The following VAPB variants were observed in gnomAD, a reference collection of about 807,000 sequenced individuals.
VAPB encodes the protein vesicle-associated membrane protein-associated protein B/C.
A neutral mutation model predicts 25.6 loss-of-function variants in VAPB; 7 were observed. The observed-to-expected ratio is 0.27, with a 90% CI of 0.16 to 0.51. VAPB has a LOEUF of 0.51. VAPB is among the 20% of genes least tolerant of loss of function. The probability of loss-of-function intolerance (pLI) is 0.97; values close to 1 mark genes in which losing one functional copy is unlikely to be tolerated. For synonymous variants in VAPB, 112 were observed against 109.2 expected (o/e 1.03, Z -0.16); for missense variants, 266 against 301.3 (o/e 0.88, Z 0.87).
chr20:58,393,712 GTTTGTTTTGT>G (rs71938478), intron 1 of VAPB, among the ~76,000 whole-genome samples: 15,076 of 150,484 alleles, frequency 0.1, 901 homozygotes, highest in East Asian at 0.26. Flanking sequence ...CTAGGTTAAG[GTTTGTTTTGT>G]TTTGTTTTGT....
intron 1 of VAPB, among the ~76,000 whole-genome samples, chr20:58,411,497 G>T (rs781078599): frequency 6.6e-6 from 1 of 152,114 alleles, no homozygotes; most frequent in Non-Finnish European, 1.5e-5. Context: ...GGCCAAGCTG[G>T]TCTCGAATTC....
chr20:58,430,899 C>T (rs1309290562), intron 2 of VAPB: 1 of 152,194 alleles, frequency 6.6e-6, no homozygotes, highest in East Asian at 1.9e-4. Flanking sequence ...GTGTCTGTTT[C>T]AATAGAAGAC....
chr20:58,439,933 T>G (rs114804723), intron 4 of VAPB: 1 of 152,352 alleles, frequency 6.6e-6, no homozygotes, highest in Non-Finnish European at 1.5e-5. Flanking sequence ...CATTAATAGC[T>G]GGAGTTGGGA....
At chr20:58,390,291 G>A (rs1987761835) in intron 1 of VAPB, 1 of 152,014 alleles carries the variant, frequency 6.6e-6, no homozygotes, top group African/African-American at 2.4e-5. Context: ...AGCAACACCT[G>A]CGGCGATGGG....
chr20:58,402,516 G>A (rs1043863728), intron 1 of VAPB, among the ~76,000 whole-genome samples: 2 of 150,736 alleles, frequency 1.3e-5, no homozygotes, highest in African/African-American at 4.9e-5. Flanking sequence ...CATTGGCAAC[G>A]TGATACGTGA....
At chr20:58,398,141 C>A (rs1489408078) in intron 1 of VAPB, among the ~76,000 whole-genome samples, 1 of 152,168 alleles carries the variant, frequency 6.6e-6, no homozygotes, top group Non-Finnish European at 1.5e-5. Flanking sequence ...CTTAAGTTAG[C>A]CTCCAGTTGC....
intron 1 of VAPB, among the ~76,000 whole-genome samples, chr20:58,402,529 C>G (rs1988122377): frequency 6.6e-6 from 1 of 151,576 alleles, no homozygotes; most frequent in Admixed American, 6.6e-5. Context: ...ATACGTGACT[C>G]CCTTTCGCTG....
chr20:58,397,997 T>A (rs1988004731), intron 1 of VAPB, among the ~76,000 whole-genome samples: 1 of 152,214 alleles, frequency 6.6e-6, no homozygotes, highest in Non-Finnish European at 1.5e-5. Flanking sequence ...CTTACAGATG[T>A]TCCTCACCTT....
intron 2 of VAPB, among the ~76,000 whole-genome samples, chr20:58,433,341 G>A (rs544173071): frequency 6.6e-6 from 1 of 152,258 alleles, no homozygotes; most frequent in East Asian, 1.9e-4. Context: ...TGTAGACCAC[G>A]GCTATCCTGC....
In VAPB at chr20:58,435,423, C is replaced by G. The variant is rs73616272; in HGVS notation, c.315+718C>G. 5.5e-3 allele frequency among the ~76,000 whole-genome samples: 839 copies of G among 152,264 alleles called. 21 individuals are homozygous for G. Among genetic ancestry groups the G allele is most frequent in the East Asian group, 0.051 (265 of 5,170 alleles). ...CCCACAGCCCCAGCAGGGACAGATG[C>G]GCTTGTCCTTACAGTTCAGGAAAGC... is the stretch of plus-strand genomic sequence containing the variant. On this transcript the variant is annotated intron_variant, in intron 3 of 5. Transcript: ENST00000475243.
rs1568722332 is a variant in VAPB, at chr20:58,445,011, GC to G, written c.*777del. 2.2e-6 allele frequency: 1 copy of G among 454,742 alleles called. No individual in the cohort carries two copies. The highest frequency in any genetic ancestry group is 6.9e-5 in the East Asian group (1 of 14,398). The allele number at this position is 454,742 out of a possible 1,614,324, so 28.2% of individuals were successfully genotyped here. A position where few individuals can be genotyped will look rare whatever the true frequency, so the allele number is the denominator to read the frequency against. ...CACAAGAGTACAGTTAATGCTGCGT[GC>G]TGCTGAACTCTGTTGGGTGAACTGG... On this transcript the variant is annotated 3_prime_UTR_variant, in exon 6 of 6. Coordinates refer to ENST00000475243, the MANE Select transcript of VAPB (RefSeq NM_004738.5).
At chr20:58,417,484 G>A (rs1988569256) in intron 1 of VAPB, among the ~76,000 whole-genome samples, 1 of 152,178 alleles carries the variant, frequency 6.6e-6, no homozygotes, top group East Asian at 1.9e-4. Context: ...AATAAAGTAG[G>A]AAGTGAATAA....
chr20:58,444,159 G>T lies in VAPB; in HGVS notation c.656G>T (p.Gly219Val), dbSNP rs786205553. ...SALAPTGKEE[G>V]LSTRLLALVV... ...TTAGCCCCAACTGGGAAGGAAGAAG[G>T]CCTTAGCACCCGGCTCTTGGCTCTG... The change falls in exon 6 of 6, where the codon GGC (glycine) becomes GTC (valine). Residue 219 changes from glycine to valine, a missense_variant. Gly to Val is a moderately radical substitution (Grantham distance 109). Transcript: ENST00000475243. The T allele has an allele frequency of 1.1e-5, 17 of 1,614,226 alleles. No individual in the cohort carries two copies. In the Middle Eastern group the frequency reaches 1.2e-3, roughly 110 times the overall value.
intron 1 of VAPB, among the ~76,000 whole-genome samples, chr20:58,414,147 C>T (rs1988460898): frequency 7.6e-6 from 1 of 131,208 alleles, no homozygotes; most frequent in Admixed American, 7.1e-5. Context: ...GACCTCCCTC[C>T]CGGACGGGGC....
chr20:58,438,553 A>T (rs904439266), intron 3 of VAPB, among the ~76,000 whole-genome samples: 7 of 152,258 alleles, frequency 4.6e-5, no homozygotes, highest in African/African-American at 7.2e-5. Flanking sequence ...TGCTGGGATT[A>T]CAGGCATAAG....
rs148902752 is a variant in VAPB, at chr20:58,427,026, C to T, written c.212-7576C>T. Among the ~76,000 whole-genome samples, 247 of 150,262 alleles carry T rather than the reference C, an allele frequency of 1.6e-3. 1 individual carries two copies. Among genetic ancestry groups the T allele is most frequent in the African/African-American group, 5.3e-3 (215 of 40,768 alleles). On this transcript the variant is annotated intron_variant, in intron 2 of 5. Coordinates refer to ENST00000475243, the MANE Select transcript of VAPB (RefSeq NM_004738.5). ...TGATCTTTTACCATTATGATGCAGGCGAAAGTGACCTGTGATCTGTTACCA... is the reference window on the plus strand; with the variant it reads ...TGATCTTTTACCATTATGATGCAGGTGAAAGTGACCTGTGATCTGTTACCA...
intron 1 of VAPB, among the ~76,000 whole-genome samples, chr20:58,398,515 G>A (rs1988016934): frequency 6.6e-6 from 1 of 152,172 alleles, no homozygotes; most frequent in African/African-American, 2.4e-5. Flanking sequence ...GACCTGGGAG[G>A]AAGGCCTAGC....
chr20:58,414,951 A>C (rs891115027), intron 1 of VAPB, among the ~76,000 whole-genome samples: 1 of 152,272 alleles, frequency 6.6e-6, no homozygotes, highest in Admixed American at 6.5e-5. Context: ...CACTGAGTGA[A>C]CGAGACTCCG....
rs1470238135 is a variant in VAPB, at chr20:58,446,957, C to CGT, written c.*2723_*2724insTG. 8.8e-6 allele frequency: 4 copies of CGT among 453,956 alleles called. No individual in the cohort carries two copies. Among genetic ancestry groups the CGT allele is most frequent in the Non-Finnish European group, 1.8e-5 (4 of 226,800 alleles). The allele number at this position is 453,956 out of a possible 1,614,324, so 28.1% of individuals were successfully genotyped here. ...GAGGTGAATATGGGGCCTGTCACAA[C>CGT]GGCCTGCCCTGCCCCAAGAGGGTTA... is the stretch of plus-strand genomic sequence containing the variant. On this transcript the variant is annotated 3_prime_UTR_variant, in exon 6 of 6. Coordinates refer to ENST00000475243, the MANE Select transcript of VAPB (RefSeq NM_004738.5).
Sources: gnomAD v4.1 joint callset for allele counts (sites outside exome capture counted in the v4.1 genomes callset) on GRCh38, gnomAD v4.1.1 for gene constraint, MANE v1.5 for transcripts, NCBI Gene and HGNC (gene_info 2026-07-23, HGNC 2026-07-21) for gene names.